Variants in GALNT13 observed in about 807,000 individuals in gnomAD.
GALNT13 encodes the protein UDP-GalNAc:polypeptide N-acetylgalactosaminyltransferase 13.
A neutral mutation model predicts 64.2 loss-of-function variants in GALNT13; 28 were observed. That is an observed-to-expected ratio of 0.44 (90% CI 0.32 to 0.60). The LOEUF (loss-of-function observed/expected upper bound fraction) is 0.60. Ranked by LOEUF, GALNT13 falls within the 20% of genes least tolerant of loss-of-function variation. The pLI, the probability that GALNT13 is intolerant of heterozygous loss-of-function variation, is 0.05. For missense variants in GALNT13, 577 were observed against 669.8 expected, an observed-to-expected ratio of 0.86 and a Z score of 1.53; for synonymous variants, 214 against 224.6, an observed-to-expected ratio of 0.95 and a Z score of 0.42.
At chr2:153,091,930 T>A in the GALNT13 span, among the ~76,000 whole-genome samples, 3 of 152,208 alleles carry the variant, frequency 2.0e-5, no homozygotes, top group South Asian at 6.2e-4. Context: ...ACAAGTGTCC[T>A]GGAGATTTTT....
the GALNT13 span, among the ~76,000 whole-genome samples, chr2:153,715,715 C>A: frequency 6.6e-6 from 1 of 152,184 alleles, no homozygotes; most frequent in Non-Finnish European, 1.5e-5. Context: ...GGCTCTAGCC[C>A]TTCCATCTTT....
chr2:153,845,051 C>T, the GALNT13 span, among the ~76,000 whole-genome samples: 2 of 152,148 alleles, frequency 1.3e-5, no homozygotes, highest in Non-Finnish European at 1.5e-5. Context: ...AACTTTTCCT[C>T]ATCTTCCCAT....
At chr2:154,334,464 T>C (rs1216207975) in intron 9 of GALNT13, among the ~76,000 whole-genome samples, 1 of 152,076 alleles carries the variant, frequency 6.6e-6, no homozygotes. Flanking sequence ...GCTGTAAATA[T>C]GATGGAGAGA....
At chr2:154,273,070 T>C (rs747521929) in intron 8 of GALNT13, among the ~76,000 whole-genome samples, 24 of 152,286 alleles carry the variant, frequency 1.6e-4, no homozygotes, top group Admixed American at 1.3e-4. Flanking sequence ...CTCGGTTTCC[T>C]AGAACTTATG....
chr2:154,276,448 C>T lies in GALNT13; in HGVS notation c.975+17310C>T, dbSNP rs1007595518. On this transcript the variant is annotated intron_variant, in intron 8 of 12. Coordinates refer to ENST00000392825, the MANE Select transcript of GALNT13 (RefSeq NM_052917.4). ...CTGCATCTTCACCATATTGGCCAGG[C>T]TTGTCTTGAACTCCTGACCTCAGGT... is the stretch of plus-strand genomic sequence containing the variant. Among the ~76,000 whole-genome samples the T allele has an allele frequency of 7.2e-5, 11 of 152,238 alleles. No individual in the cohort carries two copies. In the South Asian group the frequency reaches 2.3e-3, roughly 32 times the overall value.
intron 8 of GALNT13, among the ~76,000 whole-genome samples, chr2:154,267,365 C>T (rs997250776): frequency 5.3e-5 from 8 of 152,048 alleles, no homozygotes; most frequent in African/African-American, 1.5e-4. Flanking sequence ...TCAGGCCGGG[C>T]ATGGTGGCTC....
chr2:154,152,824 A>T (rs1357419107), intron 4 of GALNT13, among the ~76,000 whole-genome samples: 1 of 152,018 alleles, frequency 6.6e-6, no homozygotes, highest in Admixed American at 6.6e-5. Flanking sequence ...TTCTAGTTCT[A>T]CATTTGTCTA....
chr2:153,352,129 T>G, the GALNT13 span, among the ~76,000 whole-genome samples: 1 of 152,190 alleles, frequency 6.6e-6, no homozygotes, highest in African/African-American at 2.4e-5. Context: ...TTGTTTGTAT[T>G]AGCGTTCTGC....
chr2:153,952,241 G>T (rs1001385256), intron 3 of GALNT13, among the ~76,000 whole-genome samples: 1 of 152,118 alleles, frequency 6.6e-6, no homozygotes, highest in Non-Finnish European at 1.5e-5. Flanking sequence ...GGAAATTTGA[G>T]GGCATGTGGT....
chr2:153,437,113 A>C, the GALNT13 span, among the ~76,000 whole-genome samples: 2 of 152,082 alleles, frequency 1.3e-5, no homozygotes, highest in Non-Finnish European at 2.9e-5. Context: ...CAGGTTGTTC[A>C]GTTTCCATGT....
chr2:153,686,816 T>C, the GALNT13 span, among the ~76,000 whole-genome samples: 9 of 151,960 alleles, frequency 5.9e-5, no homozygotes, highest in Non-Finnish European at 1.2e-4. Context: ...TATGTTCCCT[T>C]TAATACCTAG....
intron 3 of GALNT13, among the ~76,000 whole-genome samples, chr2:154,076,000 T>C (rs1700969052): frequency 6.6e-6 from 1 of 151,660 alleles, no homozygotes; most frequent in African/African-American, 2.4e-5. Flanking sequence ...TAGGTGAAGA[T>C]ATGCTGATAT....
At chr2:153,975,462 C>T (rs769460599) in intron 3 of GALNT13, among the ~76,000 whole-genome samples, 6 of 152,040 alleles carry the variant, frequency 3.9e-5, no homozygotes, top group Admixed American at 6.6e-5. Context: ...TGCACTCAGG[C>T]CTTCTTTTCA....
At chr2:153,670,817 C>T in the GALNT13 span, among the ~76,000 whole-genome samples, 5 of 152,100 alleles carry the variant, frequency 3.3e-5, no homozygotes, top group Non-Finnish European at 2.9e-5. Flanking sequence ...GAAGGTTAGA[C>T]GAATGTCTAA....
chr2:154,151,874 C>G (rs1019181568), intron 4 of GALNT13, among the ~76,000 whole-genome samples: 22 of 152,130 alleles, frequency 1.4e-4, no homozygotes, highest in South Asian at 1.0e-3. Context: ...TGGGTCTTGA[C>G]TCTTTATCCA....
At chr2:154,411,250 A>C (rs1275709374) in intron 11 of GALNT13, among the ~76,000 whole-genome samples, 1 of 145,354 alleles carries the variant, frequency 6.9e-6, no homozygotes, top group African/African-American at 2.5e-5. Flanking sequence ...TGTGCTCTAC[A>C]AGATCAATTT....
At chr2:153,924,010 T>A (rs977573320) in intron 2 of GALNT13, among the ~76,000 whole-genome samples, 6 of 152,142 alleles carry the variant, frequency 3.9e-5, no homozygotes, top group African/African-American at 1.4e-4. Flanking sequence ...TACATGTGCA[T>A]GTGTCTTTAT....
At chr2:153,366,684 A>G in the GALNT13 span, among the ~76,000 whole-genome samples, 2 of 151,256 alleles carry the variant, frequency 1.3e-5, no homozygotes, top group Admixed American at 6.6e-5. Context: ...CCAGAAACTC[A>G]GAGAACATGA....
chr2:154,152,934 C>T (rs988541708), intron 4 of GALNT13, among the ~76,000 whole-genome samples: 1 of 152,184 alleles, frequency 6.6e-6, no homozygotes, highest in African/African-American at 2.4e-5. Context: ...CTCAACTCAT[C>T]AAAGTCATTC....
Sources: gnomAD v4.1 joint callset for allele counts (sites outside exome capture counted in the v4.1 genomes callset) on GRCh38, gnomAD v4.1.1 for gene constraint, MANE v1.5 for transcripts, NCBI Gene and HGNC (gene_info 2026-07-23, HGNC 2026-07-21) for gene names.